VAV3: variants seen among roughly 807,000 people sequenced by gnomAD.
VAV3 encodes guanine nucleotide exchange factor VAV3.
A neutral mutation model predicts 131.2 loss-of-function variants in VAV3; 94 were observed. That is an observed-to-expected ratio of 0.72 (90% confidence interval 0.61 to 0.85). VAV3 has a LOEUF of 0.85. Among genes scored for constraint, VAV3 ranks in the 40% least tolerant of loss-of-function variants. The pLI is 0.00. For synonymous variants in VAV3, 349 were observed against 342.0 expected (o/e 1.02, Z -0.22); for missense variants, 939 against 1,002.7 (o/e 0.94, Z 0.86).
intron 13 of VAV3, 131 bp from the exon 14 acceptor site, chr1:107,749,725 A>G (rs1050003647): frequency 1.0e-6 from 1 of 989,300 alleles, no homozygotes; most frequent in African/African-American, 1.7e-5. Flanking sequence ...TACACTGAAA[A>G]CAACGGGGTA....
intron 24 of VAV3, among the ~76,000 whole-genome samples, chr1:107,598,310 TTTG>T (rs1651555384): frequency 6.6e-6 from 1 of 152,016 alleles, no homozygotes; most frequent in Non-Finnish European, 1.5e-5. Context: ...GAGCCGAGAC[TTTG>T]CCACTGTACT....
intron 2 of VAV3, among the ~76,000 whole-genome samples, chr1:107,796,802 A>ATATATATAT (rs200461998): frequency 7.0e-6 from 1 of 143,082 alleles, no homozygotes; most frequent in Admixed American, 6.9e-5. Context: ...AAAAAAAAAA[A>ATATATATAT]AAATATATAT....
chr1:107,728,454 A>T (rs1052372540), intron 15 of VAV3, among the ~76,000 whole-genome samples: 1 of 152,044 alleles, frequency 6.6e-6, no homozygotes, highest in Non-Finnish European at 1.5e-5. Flanking sequence ...GGGAAAAATA[A>T]TCTGTTAATT....
chr1:107,866,573 T>G (rs1557890414), intron 2 of VAV3, among the ~76,000 whole-genome samples: 1 of 151,806 alleles, frequency 6.6e-6, no homozygotes, highest in Non-Finnish European at 1.5e-5. Flanking sequence ...TCCCAGCAGT[T>G]TGGGAGGGAG....
intron 2 of VAV3, among the ~76,000 whole-genome samples, chr1:107,830,644 C>T (rs1316976822): frequency 6.6e-6 from 1 of 152,042 alleles, no homozygotes; most frequent in Non-Finnish European, 1.5e-5. Flanking sequence ...GCTGTGCTGC[C>T]TGTCACACCC....
intron 2 of VAV3, among the ~76,000 whole-genome samples, chr1:107,802,780 G>A (rs542524743): frequency 2.0e-5 from 3 of 152,042 alleles, no homozygotes; most frequent in Non-Finnish European, 4.4e-5. Flanking sequence ...GTTTATCAGT[G>A]ATATTGGCCT....
At chr1:107,874,638 G>A (rs1406738435) in intron 2 of VAV3, among the ~76,000 whole-genome samples, 2 of 152,156 alleles carry the variant, frequency 1.3e-5, no homozygotes, top group East Asian at 3.9e-4. Context: ...TTCCCTCCCT[G>A]TATACTATTT....
At chr1:107,710,768 C>G (rs1660739111) in intron 15 of VAV3, among the ~76,000 whole-genome samples, 1 of 152,058 alleles carries the variant, frequency 6.6e-6, no homozygotes, top group East Asian at 1.9e-4. Context: ...GATATCATGA[C>G]TCTTTTTAAA....
chr1:107,756,018 G>A (rs1345372281), intron 11 of VAV3, among the ~76,000 whole-genome samples: 3 of 152,114 alleles, frequency 2.0e-5, no homozygotes, highest in South Asian at 2.1e-4. Context: ...CAAGGAAACC[G>A]GTTCAATTTT....
At chr1:107,916,667 T>C (rs949122878) in intron 1 of VAV3, among the ~76,000 whole-genome samples, 4 of 152,196 alleles carry the variant, frequency 2.6e-5, no homozygotes, top group African/African-American at 9.7e-5. Flanking sequence ...TAAATACTGA[T>C]AAATAACATA....
chr1:107,732,923 G>A (rs1364508136), intron 15 of VAV3, among the ~76,000 whole-genome samples: 1 of 152,194 alleles, frequency 6.6e-6, no homozygotes, highest in Non-Finnish European at 1.5e-5. Context: ...GTGGGTCCCT[G>A]ACCCCCATGT....
At chr1:107,762,287 C>A (rs1032505464) in intron 9 of VAV3, among the ~76,000 whole-genome samples, 3 of 152,122 alleles carry the variant, frequency 2.0e-5, no homozygotes, top group African/African-American at 7.2e-5. Context: ...TCTTTGCCCA[C>A]ACTTAGTTTT....
intron 25 of VAV3, among the ~76,000 whole-genome samples, chr1:107,582,832 T>A (rs922266697): frequency 6.6e-5 from 10 of 152,144 alleles, no homozygotes; most frequent in Non-Finnish European, 1.2e-4. Context: ...TTTGGGTTGG[T>A]TCCAAGTCTT....
At position 107,878,133 on chromosome 1, in the gene VAV3, G is replaced by T. The variant is rs932797643; in HGVS notation, c.205-3116C>A. On this transcript the variant is annotated intron_variant, in intron 1 of 26. Transcript: ENST00000370056. ...GCAACATAGTGCCATATATGCTTTTGCACCTATACCCTTTATATATTTATA... is the reference window on the plus strand; with the variant it reads ...GCAACATAGTGCCATATATGCTTTTTCACCTATACCCTTTATATATTTATA... 2.0e-5 allele frequency among the ~76,000 whole-genome samples: 3 copies of T among 151,894 alleles called. No homozygotes were observed. The East Asian group carries it at 5.8e-4, about 29-fold the overall frequency.
chr1:107,745,244 G>T lies in VAV3; in HGVS notation c.1502+3724C>A, dbSNP rs775234759. On this transcript the variant is annotated intron_variant, in intron 15 of 26. Transcript: ENST00000370056. ...TAAATAAAAGTAAGCAATGCATATC[G>T]ATCAGCCTCTTAAAGATTTAAATAC... 2.0e-5 allele frequency among the ~76,000 whole-genome samples: 3 copies of T among 152,058 alleles called. No homozygotes were observed. In the South Asian group the frequency reaches 6.2e-4, roughly 32 times the overall value.
At position 107,623,759 on chromosome 1, in the gene VAV3, AT is replaced by A. The variant is rs373794733; in HGVS notation, c.1915-6128del. Among the ~76,000 whole-genome samples the A allele has an allele frequency of 3.9e-3, 588 of 152,286 alleles. 4 individuals are homozygous for A. Among genetic ancestry groups the A allele is most frequent in the Non-Finnish European group, 5.0e-3 (337 of 68,012 alleles). On this transcript the variant is annotated intron_variant, in intron 20 of 26. Transcript: ENST00000370056. ...AAAAGAACAAAACCATAAGCTATGC[AT>A]TTTTGTTATTTCTTAGTCAAAAGGG...
intron 9 of VAV3, among the ~76,000 whole-genome samples, chr1:107,763,584 C>T (rs1412103549): frequency 6.6e-6 from 1 of 152,156 alleles, no homozygotes; most frequent in African/African-American, 2.4e-5. Flanking sequence ...ACTTAGGAGG[C>T]TCTATTCTGC....
intron 10 of VAV3, among the ~76,000 whole-genome samples, chr1:107,759,985 G>C (rs1190596131): frequency 6.6e-6 from 1 of 151,962 alleles, no homozygotes; most frequent in Non-Finnish European, 1.5e-5. Context: ...CATTTTTAAG[G>C]AATAATCAGG....
At chr1:107,868,913 T>C (rs980387259) in intron 2 of VAV3, among the ~76,000 whole-genome samples, 2 of 152,096 alleles carry the variant, frequency 1.3e-5, no homozygotes, top group Non-Finnish European at 2.9e-5. Flanking sequence ...AGATATACAT[T>C]TAGCTTTGGG....
Sources: gnomAD v4.1 joint callset for allele counts (sites outside exome capture counted in the v4.1 genomes callset) on GRCh38, gnomAD v4.1.1 for gene constraint, MANE v1.5 for transcripts, NCBI Gene and HGNC (gene_info 2026-07-23, HGNC 2026-07-21) for gene names.